The following PTPRD variants were observed in gnomAD, a reference collection of about 807,000 sequenced individuals.
PTPRD encodes the protein protein tyrosine phosphatase receptor type D, also known as receptor-type tyrosine-protein phosphatase delta.
Under a neutral mutation model 214.5 loss-of-function variants are expected in PTPRD, and 34 were observed. The observed-to-expected ratio is 0.16, with a 90% CI of 0.12 to 0.21. The LOEUF is 0.21. PTPRD is among the 10% of genes least tolerant of loss of function. PTPRD has a pLI of 1.00. For synonymous variants in PTPRD, 1,128 were observed against 845.7 expected (o/e 1.33, Z -5.79); for missense variants, 2,545 against 2,398.7 (o/e 1.06, Z -1.27).
At chr9:10,414,855 C>A (rs954507014) in intron 2 of PTPRD, among the ~76,000 whole-genome samples, 3 of 151,824 alleles carry the variant, frequency 2.0e-5, no homozygotes, top group Admixed American at 6.6e-5. Flanking sequence ...GCAAATACCA[C>A]ATGTTCTCAG....
intron 3 of PTPRD, among the ~76,000 whole-genome samples, chr9:10,036,561 C>A (rs1409833101): frequency 7.4e-6 from 1 of 134,966 alleles, no homozygotes; most frequent in African/African-American, 2.8e-5. Flanking sequence ...ACAAACAGCA[C>A]AAATACATTT....
intron 3 of PTPRD, among the ~76,000 whole-genome samples, chr9:10,111,225 G>GTTTT (rs2098688277): frequency 5.8e-5 from 6 of 103,350 alleles, no homozygotes; most frequent in African/African-American, 2.5e-4. Context: ...TTCCAGTTTA[G>GTTTT]TTTCTTTTTT....
At chr9:9,957,084 T>A (rs1587245766) in intron 4 of PTPRD, among the ~76,000 whole-genome samples, 1 of 152,242 alleles carries the variant, frequency 6.6e-6, no homozygotes, top group Admixed American at 6.5e-5. Context: ...ACAACTAATT[T>A]AAAAATAAAT....
At chr9:8,677,005 G>T (rs907800925) in intron 12 of PTPRD, among the ~76,000 whole-genome samples, 1 of 152,132 alleles carries the variant, frequency 6.6e-6, no homozygotes, top group Non-Finnish European at 1.5e-5. Flanking sequence ...GAAATTAATC[G>T]TTTCATTTAG....
At chr9:8,721,775 G>A (rs920734409) in intron 12 of PTPRD, among the ~76,000 whole-genome samples, 7 of 152,140 alleles carry the variant, frequency 4.6e-5, no homozygotes, top group African/African-American at 7.2e-5. Context: ...ACAGAACTAC[G>A]ATTTCTCTTT....
chr9:9,105,624 T>G (rs1029504611), intron 10 of PTPRD, among the ~76,000 whole-genome samples: 1 of 152,158 alleles, frequency 6.6e-6, no homozygotes, highest in Non-Finnish European at 1.5e-5. Context: ...GAGTACTTCA[T>G]CAACTAAGAT....
chr9:9,246,652 C>T (rs1196060380), intron 9 of PTPRD, among the ~76,000 whole-genome samples: 1 of 152,006 alleles, frequency 6.6e-6, no homozygotes, highest in East Asian at 1.9e-4. Context: ...TGTAACTGCT[C>T]ACACCATATA....
intron 12 of PTPRD, among the ~76,000 whole-genome samples, chr9:8,706,220 AC>A (rs1024548152): frequency 2.6e-5 from 4 of 152,220 alleles, no homozygotes; most frequent in African/African-American, 9.6e-5. Flanking sequence ...TCTTGATCAA[AC>A]CAAGCTTACT....
At chr9:8,662,219 G>A (rs1266746320) in intron 12 of PTPRD, among the ~76,000 whole-genome samples, 1 of 152,122 alleles carries the variant, frequency 6.6e-6, no homozygotes, top group Non-Finnish European at 1.5e-5. Flanking sequence ...TATATGAAGA[G>A]CACCGAGGTT....
chr9:9,769,461 G>C (rs1383919713), intron 5 of PTPRD, among the ~76,000 whole-genome samples: 1 of 151,560 alleles, frequency 6.6e-6, no homozygotes, highest in Non-Finnish European at 1.5e-5. Flanking sequence ...GAGCAGCTGG[G>C]ACTACAGGTG....
intron 10 of PTPRD, among the ~76,000 whole-genome samples, chr9:9,180,535 C>T (rs556000340): frequency 2.6e-5 from 4 of 151,584 alleles, no homozygotes; most frequent in Non-Finnish European, 5.9e-5. Context: ...CAACATGGCA[C>T]ATGTATACAT....
intron 2 of PTPRD, among the ~76,000 whole-genome samples, chr9:10,504,160 C>G (rs1802168208): frequency 1.0e-5 from 1 of 100,370 alleles, no homozygotes; most frequent in South Asian, 4.5e-4. Context: ...GGGAAAGTGT[C>G]ATTGAATGGC....
At chr9:10,426,487 T>G (rs534227126) in intron 2 of PTPRD, among the ~76,000 whole-genome samples, 1 of 152,182 alleles carries the variant, frequency 6.6e-6, no homozygotes, top group East Asian at 1.9e-4. Flanking sequence ...ATCAGGGTTT[T>G]TGCTATGAAA....
chr9:9,056,368 G>T (rs981843163), intron 10 of PTPRD, among the ~76,000 whole-genome samples: 2 of 152,140 alleles, frequency 1.3e-5, no homozygotes, highest in South Asian at 4.1e-4. Context: ...AACATTTTGA[G>T]ATAGTTATGC....
intron 9 of PTPRD, among the ~76,000 whole-genome samples, chr9:9,367,505 T>G (rs2058199747): frequency 6.6e-6 from 1 of 151,664 alleles, no homozygotes; most frequent in Admixed American, 6.6e-5. Context: ...TACATAAATT[T>G]GATAACAACT....
chr9:9,527,230 C>T (rs2074335474), intron 8 of PTPRD, among the ~76,000 whole-genome samples: 1 of 152,188 alleles, frequency 6.6e-6, no homozygotes, highest in Non-Finnish European at 1.5e-5. Flanking sequence ...TTGACTCTTA[C>T]ACTACACTAT....
intron 44 of PTPRD, among the ~76,000 whole-genome samples, chr9:8,329,826 G>A (rs1280726678): frequency 6.6e-6 from 1 of 152,072 alleles, no homozygotes; most frequent in Non-Finnish European, 1.5e-5. Flanking sequence ...AAAACAAACA[G>A]CCTACTCTAG....
chr9:9,001,684 T>C (rs1365603464), intron 11 of PTPRD, among the ~76,000 whole-genome samples: 1 of 152,010 alleles, frequency 6.6e-6, no homozygotes, highest in Non-Finnish European at 1.5e-5. Context: ...GTGAGCTACA[T>C]TGCTGCTCTA....
At chr9:8,375,030 T>G (rs2082800557) in intron 39 of PTPRD, among the ~76,000 whole-genome samples, 1 of 151,846 alleles carries the variant, frequency 6.6e-6, no homozygotes, top group Non-Finnish European at 1.5e-5. Context: ...CTTTCTTGGG[T>G]TTTTCCTATA....
Sources: allele counts gnomAD v4.1 joint callset (sites outside exome capture counted in the v4.1 genomes callset), GRCh38; gene constraint gnomAD v4.1.1; transcripts MANE v1.5; gene names NCBI Gene and HGNC (gene_info 2026-07-23, HGNC 2026-07-21).